The following PPARGC1A variants were observed in gnomAD, a reference collection of about 807,000 sequenced individuals.
PPARGC1A encodes peroxisome proliferator-activated receptor gamma coactivator 1-alpha.
In PPARGC1A, 25 loss-of-function variants were observed where a neutral mutation model predicts 88.7. That is an observed-to-expected ratio of 0.28 (90% confidence interval 0.21 to 0.39). The LOEUF is 0.39. PPARGC1A is among the 10% of genes least tolerant of loss of function. The pLI, the probability that PPARGC1A is intolerant of heterozygous loss-of-function variation, is 1.00. For missense variants in PPARGC1A, 880 were observed against 968.7 expected, an observed-to-expected ratio of 0.91 and a Z score of 1.22; for synonymous variants, 363 against 355.6, an observed-to-expected ratio of 1.02 and a Z score of -0.24.
At chr4:24,266,047 G>T in the PPARGC1A span, among the ~76,000 whole-genome samples, 1 of 152,192 alleles carries the variant, frequency 6.6e-6, no homozygotes, top group Non-Finnish European at 1.5e-5. Context: ...TTGTACAAGG[G>T]CTCTGGCGTT....
At chr4:24,417,770 T>C in the PPARGC1A span, among the ~76,000 whole-genome samples, 1 of 152,196 alleles carries the variant, frequency 6.6e-6, no homozygotes. Context: ...TAAAACATGA[T>C]CTTTTTATAA....
At chr4:23,887,097 T>C (rs1717041909) in intron 1 of PPARGC1A, among the ~76,000 whole-genome samples, 1 of 152,230 alleles carries the variant, frequency 6.6e-6, no homozygotes, top group Non-Finnish European at 1.5e-5. Context: ...ATATGTATTT[T>C]TAAATAACTT....
chr4:24,457,393 T>A, the PPARGC1A span, among the ~76,000 whole-genome samples: 1 of 152,218 alleles, frequency 6.6e-6, no homozygotes, highest in South Asian at 2.1e-4. Context: ...ATCTTGAATA[T>A]GAGCTTTATT....
At chr4:23,989,281 C>T in the PPARGC1A span, among the ~76,000 whole-genome samples, 2 of 151,914 alleles carry the variant, frequency 1.3e-5, no homozygotes, top group South Asian at 4.1e-4. Flanking sequence ...TTAATGGTTT[C>T]TGTAGCAGTT....
the PPARGC1A span, among the ~76,000 whole-genome samples, chr4:24,316,990 A>T: frequency 6.6e-6 from 1 of 152,322 alleles, no homozygotes; most frequent in East Asian, 1.9e-4. Flanking sequence ...GATTCAGAAA[A>T]TAAAATAATT....
chr4:24,330,731 C>A, the PPARGC1A span, among the ~76,000 whole-genome samples: 1 of 150,234 alleles, frequency 6.7e-6, no homozygotes, highest in African/African-American at 2.5e-5. Context: ...AAACTGAGAC[C>A]CAGCACACTC....
At chr4:23,860,702 TACCTC>T (rs1731098261) in intron 2 of PPARGC1A, among the ~76,000 whole-genome samples, 1 of 151,912 alleles carries the variant, frequency 6.6e-6, no homozygotes, top group African/African-American at 2.4e-5. Flanking sequence ...AAAAAATAAA[TACCTC>T]AGCAAGAAGC....
the PPARGC1A span, among the ~76,000 whole-genome samples, chr4:24,135,844 G>T: frequency 3.5e-4 from 54 of 152,298 alleles, 1 homozygote; most frequent in South Asian, 0.011. Flanking sequence ...CTCTGGGGGG[G>T]TCAATATGTT....
chr4:24,466,162 T>C, the PPARGC1A span, among the ~76,000 whole-genome samples: 1,367 of 152,286 alleles, frequency 9.0e-3, 11 homozygotes, highest in Non-Finnish European at 0.015. Context: ...AAACATCTAG[T>C]CCAAAAAGCA....
chr4:23,999,272 A>G, the PPARGC1A span, among the ~76,000 whole-genome samples: 1 of 152,232 alleles, frequency 6.6e-6, no homozygotes, highest in Non-Finnish European at 1.5e-5. Flanking sequence ...TGCTACCAGT[A>G]TCTAAGGAGT....
chr4:24,242,392 T>G, the PPARGC1A span, among the ~76,000 whole-genome samples: 5 of 152,222 alleles, frequency 3.3e-5, no homozygotes, highest in Non-Finnish European at 5.9e-5. Flanking sequence ...AATATTCCTA[T>G]GAGTCTTCAG....
At chr4:24,368,163 G>A in the PPARGC1A span, among the ~76,000 whole-genome samples, 21 of 152,276 alleles carry the variant, frequency 1.4e-4, no homozygotes, top group East Asian at 2.5e-3. Flanking sequence ...GACGTGAATC[G>A]TCTTAACCAA....
At chr4:24,337,886 A>G in the PPARGC1A span, among the ~76,000 whole-genome samples, 1 of 152,114 alleles carries the variant, frequency 6.6e-6, no homozygotes, top group Admixed American at 6.5e-5. Context: ...CATTCCATCC[A>G]TTAATGACAA....
chr4:23,869,562 A>G (rs960100830), intron 2 of PPARGC1A, among the ~76,000 whole-genome samples: 2 of 151,120 alleles, frequency 1.3e-5, no homozygotes, highest in Middle Eastern at 3.2e-3. Flanking sequence ...AGTCCTGTAC[A>G]TTATCTGAAA....
chr4:24,251,090 A>C, the PPARGC1A span, among the ~76,000 whole-genome samples: 3 of 152,186 alleles, frequency 2.0e-5, no homozygotes, highest in Non-Finnish European at 2.9e-5. Context: ...GGGCAACAAT[A>C]TCTGTAAAAA....
the PPARGC1A span, among the ~76,000 whole-genome samples, chr4:24,043,590 C>A: frequency 6.6e-6 from 1 of 152,104 alleles, no homozygotes; most frequent in African/African-American, 2.4e-5. Flanking sequence ...CCTCATCGAT[C>A]GCATGTTATG....
chr4:23,908,100 T>G (rs1419241912), upstream of PPARGC1A, among the ~76,000 whole-genome samples: 5 of 152,216 alleles, frequency 3.3e-5, no homozygotes, highest in Non-Finnish European at 5.9e-5. Context: ...CGTCATGGGA[T>G]GTTGGGGCAC....
the PPARGC1A span, among the ~76,000 whole-genome samples, chr4:24,016,797 T>G: frequency 1.2e-4 from 18 of 152,134 alleles, no homozygotes; most frequent in African/African-American, 4.3e-4. Flanking sequence ...AGAGGACAAA[T>G]TACACCAATA....
chr4:23,938,530 T>A, the PPARGC1A span, among the ~76,000 whole-genome samples: 1 of 152,170 alleles, frequency 6.6e-6, no homozygotes, highest in African/African-American at 2.4e-5. Context: ...CTGTTTAAGA[T>A]GTACAATGAT....
Sources: gnomAD v4.1 joint callset for allele counts (sites outside exome capture counted in the v4.1 genomes callset) on GRCh38, gnomAD v4.1.1 for gene constraint, MANE v1.5 for transcripts, NCBI Gene and HGNC (gene_info 2026-07-23, HGNC 2026-07-21) for gene names.